Variants in CNTNAP2 observed in about 807,000 individuals in gnomAD.
CNTNAP2 encodes contactin-associated protein-like 2.
CNTNAP2 carries 98 observed loss-of-function variants against 155.2 expected under a neutral mutation model. That is an observed-to-expected ratio of 0.63 (90% CI 0.54 to 0.75). The LOEUF is 0.75. Among genes scored for constraint, CNTNAP2 ranks in the 30% least tolerant of loss-of-function variants. The pLI is 0.00. For synonymous variants in CNTNAP2, 651 were observed against 631.2 expected (o/e 1.03, Z -0.47); for missense variants, 1,727 against 1,688.1 (o/e 1.02, Z -0.40).
intron 1 of CNTNAP2, among the ~76,000 whole-genome samples, chr7:146,742,067 T>G (rs1585068878): frequency 1.4e-5 from 2 of 146,646 alleles, no homozygotes; most frequent in Non-Finnish European, 3.0e-5. Flanking sequence ...TAGACTGTGT[T>G]AAAAAAAAAA....
intron 9 of CNTNAP2, among the ~76,000 whole-genome samples, chr7:147,337,031 T>C (rs1367019912): frequency 6.6e-6 from 1 of 152,136 alleles, no homozygotes; most frequent in Non-Finnish European, 1.5e-5. Context: ...GGGAAGATTA[T>C]CAATTAGGGA....
chr7:146,334,119 AAGTCCTAT>A (rs1801230764), intron 1 of CNTNAP2, among the ~76,000 whole-genome samples: 1 of 152,174 alleles, frequency 6.6e-6, no homozygotes, highest in Non-Finnish European at 1.5e-5. Flanking sequence ...AGAAGGTTGG[AAGTCCTAT>A]AGCAGCTTAA....
chr7:147,259,114 G>A (rs1457237753), intron 8 of CNTNAP2, among the ~76,000 whole-genome samples: 1 of 152,156 alleles, frequency 6.6e-6, no homozygotes, highest in Non-Finnish European at 1.5e-5. Context: ...GCATGTTGTG[G>A]TCAGAAGACA....
chr7:146,163,581 C>CTATA (rs1491503784), intron 1 of CNTNAP2, among the ~76,000 whole-genome samples: 9 of 84,916 alleles, frequency 1.1e-4, no homozygotes, highest in African/African-American at 4.5e-4. Context: ...ATCTATCTAT[C>CTATA]TATCTATATA....
intron 14 of CNTNAP2, among the ~76,000 whole-genome samples, chr7:147,917,320 AGG>A (rs1800178132): frequency 6.6e-6 from 1 of 152,230 alleles, no homozygotes; most frequent in African/African-American, 2.4e-5. Flanking sequence ...ATATAGGGCT[AGG>A]TTAAGCTGCA....
At chr7:147,542,066 C>T (rs940188908) in intron 11 of CNTNAP2, among the ~76,000 whole-genome samples, 54 of 152,120 alleles carry the variant, frequency 3.5e-4, no homozygotes, top group Middle Eastern at 3.4e-3. Context: ...ACGTGTTTTT[C>T]CAATTATATC....
At chr7:146,164,396 G>A (rs1228194642) in intron 1 of CNTNAP2, among the ~76,000 whole-genome samples, 1 of 152,138 alleles carries the variant, frequency 6.6e-6, no homozygotes, top group Non-Finnish European at 1.5e-5. Flanking sequence ...ATTTAGGGAA[G>A]GCAGTGTGTA....
intron 1 of CNTNAP2, among the ~76,000 whole-genome samples, chr7:146,203,068 T>C (rs1243394366): frequency 2.0e-5 from 3 of 152,238 alleles, no homozygotes; most frequent in African/African-American, 7.2e-5. Context: ...CAAACTTTTC[T>C]CTATGCTCTT....
chr7:146,790,579 T>G (rs1278420818), intron 2 of CNTNAP2, among the ~76,000 whole-genome samples: 1 of 151,104 alleles, frequency 6.6e-6, no homozygotes, highest in African/African-American at 2.5e-5. Context: ...TTTTTTTTTT[T>G]TTTTTTGTAA....
At chr7:146,693,167 T>G (rs1800726106) in intron 1 of CNTNAP2, among the ~76,000 whole-genome samples, 1 of 152,158 alleles carries the variant, frequency 6.6e-6, no homozygotes, top group Admixed American at 6.6e-5. Context: ...GATAGCATTG[T>G]GCTTGACATA....
intron 3 of CNTNAP2, among the ~76,000 whole-genome samples, chr7:146,937,744 C>A (rs1796953182): frequency 6.6e-6 from 1 of 152,054 alleles, no homozygotes; most frequent in African/African-American, 2.4e-5. Flanking sequence ...TAAATAATGC[C>A]AACCTAAAAT....
chr7:146,265,995 C>T (rs938915144), intron 1 of CNTNAP2, among the ~76,000 whole-genome samples: 3 of 151,828 alleles, frequency 2.0e-5, no homozygotes, highest in Non-Finnish European at 4.4e-5. Context: ...CTCCCAGCCT[C>T]GCTTGCAATT....
At chr7:147,639,980 CA>C (rs1795246519) in intron 13 of CNTNAP2, among the ~76,000 whole-genome samples, 1 of 152,090 alleles carries the variant, frequency 6.6e-6, no homozygotes. Flanking sequence ...GAGATGTTGT[CA>C]GAAAACTGCA....
At chr7:148,128,902 C>G (rs972387049) in intron 16 of CNTNAP2, among the ~76,000 whole-genome samples, 2 of 152,158 alleles carry the variant, frequency 1.3e-5, no homozygotes, top group African/African-American at 4.8e-5. Context: ...CACGTGGCAG[C>G]TCCTATGGGT....
chr7:146,179,109 C>T (rs1022544391), intron 1 of CNTNAP2, among the ~76,000 whole-genome samples: 2 of 152,068 alleles, frequency 1.3e-5, no homozygotes, highest in African/African-American at 4.8e-5. Context: ...CTGTGATCAC[C>T]TAGTGAACAT....
chr7:147,591,744 G>T (rs773427052), intron 12 of CNTNAP2, among the ~76,000 whole-genome samples: 1 of 152,048 alleles, frequency 6.6e-6, no homozygotes, highest in South Asian at 2.1e-4. Context: ...TTCCCCAGTA[G>T]CCTTCAGGAT....
At chr7:147,286,980 T>A (rs904939046) in intron 8 of CNTNAP2, among the ~76,000 whole-genome samples, 36 of 152,270 alleles carry the variant, frequency 2.4e-4, no homozygotes, top group African/African-American at 8.4e-4. Context: ...CTCTCAGTAA[T>A]CTTTCTTTGT....
chr7:147,188,930 G>C (rs1802624209), intron 8 of CNTNAP2, among the ~76,000 whole-genome samples: 1 of 152,190 alleles, frequency 6.6e-6, no homozygotes, highest in Non-Finnish European at 1.5e-5. Flanking sequence ...ATTACCAGAA[G>C]CATTGTGTTG....
At chr7:146,979,211 C>G (rs960358063) in intron 3 of CNTNAP2, among the ~76,000 whole-genome samples, 1 of 152,200 alleles carries the variant, frequency 6.6e-6, no homozygotes, top group South Asian at 2.1e-4. Flanking sequence ...TATTTAAAAC[C>G]TCTAAAATCC....
Sources: allele counts gnomAD v4.1 joint callset (sites outside exome capture counted in the v4.1 genomes callset), GRCh38; gene constraint gnomAD v4.1.1; transcripts MANE v1.5; gene names NCBI Gene and HGNC (gene_info 2026-07-23, HGNC 2026-07-21).